The following LRRC4C variants were observed in gnomAD, a reference collection of about 807,000 sequenced individuals.
LRRC4C encodes the protein leucine rich repeat containing 4C, also known as leucine-rich repeat-containing protein 4C.
LRRC4C carries 5 observed loss-of-function variants against 33.6 expected under a neutral mutation model. That is an observed-to-expected ratio of 0.15 (90% CI 0.08 to 0.31). The LOEUF is 0.31. Ranked by LOEUF, LRRC4C falls within the 10% of genes least tolerant of loss-of-function variation. LRRC4C has a pLI of 1.00. For synonymous variants in LRRC4C, 329 were observed against 302.0 expected (o/e 1.09, Z -0.93); for missense variants, 560 against 796.7 (o/e 0.70, Z 3.58).
intron 3 of LRRC4C, among the ~76,000 whole-genome samples, chr11:40,398,017 G>A (rs191130137): frequency 6.6e-6 from 1 of 151,900 alleles, no homozygotes; most frequent in Admixed American, 6.6e-5. Flanking sequence ...TGTAAGGATG[G>A]TTATAAAAAG....
intron 3 of LRRC4C, among the ~76,000 whole-genome samples, chr11:40,371,385 G>A (rs1004081424): frequency 2.0e-5 from 3 of 152,164 alleles, no homozygotes; most frequent in Non-Finnish European, 4.4e-5. Context: ...AGTCTATTGG[G>A]AAGACAATAT....
chr11:40,238,151 G>T (rs902211894), intron 5 of LRRC4C, among the ~76,000 whole-genome samples: 2 of 152,160 alleles, frequency 1.3e-5, no homozygotes, highest in African/African-American at 4.8e-5. Context: ...GGCAACAAAA[G>T]AGATGGGAGT....
chr11:40,723,170 TG>T (rs1249475791), intron 2 of LRRC4C, among the ~76,000 whole-genome samples: 1 of 152,100 alleles, frequency 6.6e-6, no homozygotes, highest in Non-Finnish European at 1.5e-5. Context: ...GTAACCAACT[TG>T]GAAAGCATAT....
intron 3 of LRRC4C, among the ~76,000 whole-genome samples, chr11:40,474,005 A>T (rs1405224470): frequency 6.6e-6 from 1 of 152,222 alleles, no homozygotes; most frequent in African/African-American, 2.4e-5. Context: ...AAGAATCAAT[A>T]TCATGAAAAT....
chr11:40,874,793 T>C (rs1461456348), intron 2 of LRRC4C, among the ~76,000 whole-genome samples: 1 of 152,142 alleles, frequency 6.6e-6, no homozygotes, highest in Non-Finnish European at 1.5e-5. Context: ...TGCAGCAACA[T>C]AGTATAGTAC....
At chr11:40,473,386 TC>T (rs1953041977) in intron 3 of LRRC4C, among the ~76,000 whole-genome samples, 1 of 152,110 alleles carries the variant, frequency 6.6e-6, no homozygotes, top group African/African-American at 2.4e-5. Context: ...GAAAAGGCCT[TC>T]CATAAAATTA....
chr11:41,283,156 C>G (rs370230217), intron 1 of LRRC4C, among the ~76,000 whole-genome samples: 2 of 152,110 alleles, frequency 1.3e-5, no homozygotes, highest in East Asian at 1.9e-4. Flanking sequence ...ACAGCAATCA[C>G]AAAATATCAT....
At chr11:41,006,573 C>A (rs932053933) in intron 1 of LRRC4C, among the ~76,000 whole-genome samples, 56 of 152,122 alleles carry the variant, frequency 3.7e-4, no homozygotes, top group African/African-American at 1.3e-3. Flanking sequence ...TCTTTATAAT[C>A]TTACATATTT....
intron 2 of LRRC4C, among the ~76,000 whole-genome samples, chr11:40,766,869 A>G (rs1949499637): frequency 6.7e-6 from 1 of 148,900 alleles, no homozygotes; most frequent in South Asian, 2.2e-4. Context: ...AGGGAAGGGG[A>G]GGGAAGGAGA....
At chr11:40,473,448 ATCT>A (rs1449554527) in intron 3 of LRRC4C, among the ~76,000 whole-genome samples, 3 of 152,150 alleles carry the variant, frequency 2.0e-5, no homozygotes, top group African/African-American at 7.2e-5. Flanking sequence ...GAGGGGACAT[ATCT>A]TAAAATAATA....
rs115524177 is a variant in LRRC4C at position 41,361,163 on chromosome 11, C to T, written c.-496+98268G>A. On this transcript the variant is annotated intron_variant, in intron 1 of 6. Coordinates refer to ENST00000528697, the MANE Select transcript of LRRC4C (RefSeq NM_001258419.2). ...CAGGCATGAGTGGATATTCATTTCA[C>T]GAATACGATGATGTCACAAGAGCAT... is the stretch of plus-strand genomic sequence containing the variant. Among the ~76,000 whole-genome samples, 652 of 152,232 alleles carry T rather than the reference C, an allele frequency of 4.3e-3. 3 individuals are homozygous for T. Among genetic ancestry groups the T allele is most frequent in the African/African-American group, 0.014 (568 of 41,530 alleles).
intron 6 of LRRC4C, among the ~76,000 whole-genome samples, chr11:40,120,640 C>T (rs2134652324): frequency 6.6e-6 from 1 of 152,222 alleles, no homozygotes; most frequent in Admixed American, 6.5e-5. Flanking sequence ...TCCATTCTTT[C>T]TCCCATTCCC....
intron 3 of LRRC4C, among the ~76,000 whole-genome samples, chr11:40,322,454 C>T (rs957500713): frequency 6.6e-6 from 1 of 152,068 alleles, no homozygotes; most frequent in African/African-American, 2.4e-5. Context: ...CCATGTTGGC[C>T]AGGCTGGTCT....
intron 1 of LRRC4C, among the ~76,000 whole-genome samples, chr11:41,073,018 A>T (rs1281024214): frequency 6.6e-6 from 1 of 152,218 alleles, no homozygotes; most frequent in Non-Finnish European, 1.5e-5. Flanking sequence ...TCCTATAAAC[A>T]CTGCTATATT....
intron 1 of LRRC4C, among the ~76,000 whole-genome samples, chr11:41,067,724 C>T (rs553690557): frequency 1.6e-4 from 24 of 152,212 alleles, no homozygotes; most frequent in Admixed American, 3.9e-4. Context: ...CACAGTGCAA[C>T]GAAAATCAAA....
chr11:40,407,560 G>T (rs1322999035), intron 3 of LRRC4C, among the ~76,000 whole-genome samples: 1 of 152,094 alleles, frequency 6.6e-6, no homozygotes, highest in African/African-American at 2.4e-5. Flanking sequence ...CTCCTGGAAT[G>T]AGGACAAATG....
chr11:40,682,432 T>C (rs1473586993), intron 2 of LRRC4C, among the ~76,000 whole-genome samples: 1 of 152,118 alleles, frequency 6.6e-6, no homozygotes, highest in Non-Finnish European at 1.5e-5. Flanking sequence ...ATACCAACAG[T>C]ATGGGCCTTA....
intron 1 of LRRC4C, among the ~76,000 whole-genome samples, chr11:40,998,707 T>C (rs1156475475): frequency 6.6e-6 from 1 of 152,060 alleles, no homozygotes. Flanking sequence ...GGACAACAGT[T>C]TTGCTCCACT....
intron 2 of LRRC4C, among the ~76,000 whole-genome samples, chr11:40,908,747 G>C (rs1201183730): frequency 6.6e-6 from 1 of 152,134 alleles, no homozygotes. Flanking sequence ...ACCTTGATTT[G>C]AGTGTAACTT....
Sources: gnomAD v4.1 joint callset for allele counts (sites outside exome capture counted in the v4.1 genomes callset) on GRCh38, gnomAD v4.1.1 for gene constraint, MANE v1.5 for transcripts, NCBI Gene and HGNC (gene_info 2026-07-23, HGNC 2026-07-21) for gene names.